Variants in SAMD12 observed in about 807,000 individuals in gnomAD.
The protein encoded by SAMD12 is sterile alpha motif domain containing 12.
SAMD12 carries 9 observed loss-of-function variants against 15.0 expected under a neutral mutation model. The ratio of observed to expected loss-of-function variants is 0.60; its 90% confidence interval spans 0.36 to 1.05. SAMD12 has a LOEUF of 1.05. SAMD12 is among the 50% of genes least tolerant of loss of function. SAMD12 has a pLI of 0.01. For synonymous variants in SAMD12, 86 were observed against 90.1 expected (o/e 0.96, Z 0.25); for missense variants, 230 against 234.2 (o/e 0.98, Z 0.12).
At chr8:118,366,998 T>A (rs1313341703) in intron 4 of SAMD12, among the ~76,000 whole-genome samples, 1 of 151,978 alleles carries the variant, frequency 6.6e-6, no homozygotes, top group Non-Finnish European at 1.5e-5. Context: ...TTTATTCTTG[T>A]CTGGGGCTCA....
chr8:118,548,435 G>A (rs1291881509), intron 2 of SAMD12, among the ~76,000 whole-genome samples: 1 of 149,038 alleles, frequency 6.7e-6, no homozygotes, highest in East Asian at 2.0e-4. Context: ...CCCATGTGAT[G>A]GGTAACTTAA....
intron 2 of SAMD12, among the ~76,000 whole-genome samples, chr8:118,440,697 A>AAAC (rs1822726448): frequency 9.5e-4 from 50 of 52,416 alleles, no homozygotes; most frequent in African/African-American, 2.6e-3. Context: ...CACACACACA[A>AAAC]ACACACACAC....
At chr8:118,529,793 A>G (rs1362231723) in intron 2 of SAMD12, among the ~76,000 whole-genome samples, 1 of 152,074 alleles carries the variant, frequency 6.6e-6, no homozygotes, top group African/African-American at 2.4e-5. Flanking sequence ...GTGTGTGTAC[A>G]GGGTCTCACT....
intron 4 of SAMD12, among the ~76,000 whole-genome samples, chr8:118,368,821 C>G (rs984256588): frequency 6.6e-6 from 1 of 152,210 alleles, no homozygotes; most frequent in Non-Finnish European, 1.5e-5. Flanking sequence ...TAGAACACAA[C>G]TGAAGTTTGC....
chr8:118,204,526 G>A (rs1383643011), intron 4 of SAMD12, among the ~76,000 whole-genome samples: 1 of 152,034 alleles, frequency 6.6e-6, no homozygotes, highest in Non-Finnish European at 1.5e-5. Flanking sequence ...AGGCCGAGCC[G>A]GGCAGATCAC....
chr8:118,180,472 G>A, the SAMD12 span, among the ~76,000 whole-genome samples: 1 of 152,144 alleles, frequency 6.6e-6, no homozygotes. Context: ...CTATCTTGCA[G>A]TTAGGCAGAG....
chr8:118,370,970 G>A (rs1819068653), intron 4 of SAMD12, among the ~76,000 whole-genome samples: 1 of 152,006 alleles, frequency 6.6e-6, no homozygotes, highest in Non-Finnish European at 1.5e-5. Context: ...AAGAAATGCA[G>A]ATGGATAGGA....
At chr8:118,213,561 T>A (rs945079171) in intron 4 of SAMD12, among the ~76,000 whole-genome samples, 1 of 152,234 alleles carries the variant, frequency 6.6e-6, no homozygotes, top group Non-Finnish European at 1.5e-5. Flanking sequence ...AAGAGGTCCC[T>A]GCTAAGCCTT....
intron 4 of SAMD12, among the ~76,000 whole-genome samples, chr8:118,209,633 A>G (rs1819963050): frequency 6.6e-6 from 1 of 152,332 alleles, no homozygotes; most frequent in Admixed American, 6.5e-5. Flanking sequence ...CTTGCAATTT[A>G]CCAGGTTCTA....
chr8:118,160,438 A>T, the SAMD12 span, among the ~76,000 whole-genome samples: 1 of 152,200 alleles, frequency 6.6e-6, no homozygotes, highest in Admixed American at 6.5e-5. Flanking sequence ...TGATTTTAAG[A>T]CTTATCATGA....
chr8:118,382,155 T>C (rs537160462), intron 3 of SAMD12, among the ~76,000 whole-genome samples: 4 of 152,190 alleles, frequency 2.6e-5, no homozygotes, highest in Non-Finnish European at 5.9e-5. Flanking sequence ...TTATAAATAC[T>C]GCATAAAACA....
chr8:118,330,417 T>C (rs988770259), intron 4 of SAMD12, among the ~76,000 whole-genome samples: 1 of 152,152 alleles, frequency 6.6e-6, no homozygotes, highest in Non-Finnish European at 1.5e-5. Flanking sequence ...TGCCTGGGAA[T>C]GCAGAGAAGT....
chr8:118,579,749 C>T (rs1827236865), intron 2 of SAMD12, among the ~76,000 whole-genome samples: 1 of 152,080 alleles, frequency 6.6e-6, no homozygotes, highest in Non-Finnish European at 1.5e-5. Flanking sequence ...GCTCAACCAA[C>T]ATTTGAAAGG....
In SAMD12 at chr8:118,474,287, C is replaced by T. The variant is rs138270966; in HGVS notation, c.193-34326G>A. Among the ~76,000 whole-genome samples the T allele has an allele frequency of 9.4e-4, 143 of 152,250 alleles. 1 individual carries two copies. Among genetic ancestry groups the T allele is most frequent in the African/African-American group, 3.3e-3 (139 of 41,550 alleles). On this transcript the variant is annotated intron_variant, in intron 2 of 3. Transcript: ENST00000314727. ...AGAGCTATTTTTATTCAAAGCCCAA[C>T]ATAATTATCATTATCATCAATATTG...
Position 118,427,805 on chromosome 8 carries a change from T to C in SAMD12, c.322+12027A>G, listed in dbSNP as rs183558150. On this transcript the variant is annotated intron_variant, in intron 3 of 3. Transcript: ENST00000314727. ...CTGGGTAGATACCTTGGAGTGGAAC[T>C]GCAGAATCATCTCATAAGTTTGTGA... is the stretch of plus-strand genomic sequence containing the variant. Among the ~76,000 whole-genome samples the C allele has an allele frequency of 7.9e-5, 12 of 152,318 alleles. No individual in the cohort carries two copies. In the East Asian group the frequency reaches 2.3e-3, roughly 29 times the overall value.
chr8:118,204,163 T>G (rs953072180), intron 4 of SAMD12, among the ~76,000 whole-genome samples: 1 of 151,834 alleles, frequency 6.6e-6, no homozygotes, highest in Non-Finnish European at 1.5e-5. Flanking sequence ...GGCATTACCA[T>G]TATAAGAATC....
intron 2 of SAMD12, among the ~76,000 whole-genome samples, chr8:118,572,731 A>T (rs1827049666): frequency 6.6e-6 from 1 of 152,162 alleles, no homozygotes; most frequent in African/African-American, 2.4e-5. Context: ...TCTCACAATT[A>T]AACCTCTTTC....
At chr8:118,289,656 G>T (rs1214997685) in intron 4 of SAMD12, among the ~76,000 whole-genome samples, 1 of 152,204 alleles carries the variant, frequency 6.6e-6, no homozygotes, top group Non-Finnish European at 1.5e-5. Context: ...AATCAGGGCT[G>T]CTGACACTCT....
intron 4 of SAMD12, among the ~76,000 whole-genome samples, chr8:118,305,935 C>A (rs192732206): frequency 6.6e-6 from 1 of 152,070 alleles, no homozygotes. Flanking sequence ...CTTCTGGTGG[C>A]GTCTTTGGCA....
Sources: gnomAD v4.1 joint callset for allele counts (sites outside exome capture counted in the v4.1 genomes callset) on GRCh38, gnomAD v4.1.1 for gene constraint, MANE v1.5 for transcripts, NCBI Gene and HGNC (gene_info 2026-07-23, HGNC 2026-07-21) for gene names.